PWP1: variants seen among roughly 807,000 people sequenced by gnomAD.
The protein encoded by PWP1 is periodic tryptophan protein 1 homolog.
Under a neutral mutation model 69.9 loss-of-function variants are expected in PWP1, and 47 were observed. The observed-to-expected ratio is 0.67, with a 90% confidence interval of 0.53 to 0.86. The LOEUF (loss-of-function observed/expected upper bound fraction) is 0.86. PWP1 is among the 40% of genes least tolerant of loss of function. The pLI is 0.00. For missense variants in PWP1, 551 were observed against 608.8 expected (o/e 0.91, Z 1.00); for synonymous variants, 222 against 208.2 (o/e 1.07, Z -0.57).
intron 12 of PWP1, 33 bp downstream of exon 12, chr12:107,709,049 T>C (rs1315523476): frequency 1.7e-5 from 27 of 1,613,204 alleles, no homozygotes; most frequent in Non-Finnish European, 2.1e-5. Flanking sequence ...TCATTTTTCT[T>C]AACTTATGAT....
At chr12:107,700,641 A>G (rs1889689688) in intron 8 of PWP1, among the ~76,000 whole-genome samples, 1 of 152,162 alleles carries the variant, frequency 6.6e-6, no homozygotes, top group African/African-American at 2.4e-5. Flanking sequence ...ATGTGGGTGT[A>G]CAAATATTCA....
chr12:107,697,467 G>A lies in PWP1; in HGVS notation c.614G>A (p.Gly205Glu), dbSNP rs771108513. ...ATACATGCATTGTTTCCTCCCATAG[G>A]AAATTACATTGCTGTAGGAAACATG... is the stretch of plus-strand genomic sequence containing the variant. Reference protein sequence around the residue: ...NFDPSPDDSTGNYIAVGNMTP... With the variant: ...NFDPSPDDSTENYIAVGNMTP... The change falls in exon 7 of 15, where the codon GGA (glycine) becomes GAA (glutamate). Residue 205 changes from glycine to glutamate, a missense_variant and splice_region_variant. Physicochemically the swap from Gly to Glu is moderately conservative, Grantham distance 98. Transcript: ENST00000412830. 57 of 1,576,424 alleles carry A rather than the reference G, an allele frequency of 3.6e-5. No individual in the cohort carries two copies. Among genetic ancestry groups the A allele is most frequent in the Non-Finnish European group, 4.7e-5 (55 of 1,166,670 alleles).
At chr12:107,704,211 T>A (rs1446285669) in intron 10 of PWP1, among the ~76,000 whole-genome samples, 2 of 152,256 alleles carry the variant, frequency 1.3e-5, no homozygotes, top group African/African-American at 4.8e-5. Flanking sequence ...TGTTTACATT[T>A]CTTGTGATTC....
At chr12:107,707,881 C>G (rs1345519596) in intron 11 of PWP1, among the ~76,000 whole-genome samples, 1 of 151,956 alleles carries the variant, frequency 6.6e-6, no homozygotes, top group Non-Finnish European at 1.5e-5. Context: ...TGTGTCTCTG[C>G]CGGGCTTTGG....
chr12:107,712,001 C>T, intron 14 of PWP1, 110 bp from the exon 15 acceptor site: 1 of 812,908 alleles, frequency 1.2e-6, no homozygotes, highest in South Asian at 1.8e-5. Context: ...TGGTTACTCA[C>T]TTTACCATTT....
At chr12:107,686,035 C>A in intron 1 of PWP1, 64 bp downstream of exon 1, 3 of 1,565,252 alleles carry the variant, frequency 1.9e-6, no homozygotes, top group Non-Finnish European at 2.6e-6. Context: ...GTCCGCCCAG[C>A]TGGGGGAACG....
intron 5 of PWP1, among the ~76,000 whole-genome samples, chr12:107,695,324 G>A (rs1033685935): frequency 6.6e-6 from 1 of 152,056 alleles, no homozygotes; most frequent in Non-Finnish European, 1.5e-5. Flanking sequence ...TATCGAACAT[G>A]GTTGAGGTTT....
At chr12:107,709,679 C>A (rs1383000555) in intron 13 of PWP1, among the ~76,000 whole-genome samples, 2 of 151,950 alleles carry the variant, frequency 1.3e-5, no homozygotes, top group African/African-American at 4.8e-5. Context: ...TAGAAATAAC[C>A]AGATTCACTC....
At chr12:107,706,883 G>A (rs1239603255) in intron 11 of PWP1, among the ~76,000 whole-genome samples, 2 of 152,198 alleles carry the variant, frequency 1.3e-5, no homozygotes, top group Non-Finnish European at 2.9e-5. Flanking sequence ...GGCAATGTGG[G>A]CTCTTTTTTG....
At position 107,688,337 on chromosome 12, in the gene PWP1, G is replaced by C. The variant is rs796120110; in HGVS notation, c.73-111G>C. 12 of 805,216 alleles carry C rather than the reference G, an allele frequency of 1.5e-5. 1 individual carries two copies. In the African/African-American group the frequency reaches 1.6e-4, roughly 10 times the overall value. The allele number at this position is 805,216 out of a possible 1,614,324, so 49.9% of individuals were successfully genotyped here. A position where few individuals can be genotyped will look rare whatever the true frequency, so the allele number is the denominator to read the frequency against. ...TGGATTGATGTTTGATTCTTATCTT[G>C]ATGACATTGCTTGGCGTTACATTTT... On this transcript the variant is annotated intron_variant, in intron 1 of 14. Coordinates refer to ENST00000412830, the MANE Select transcript of PWP1 (RefSeq NM_007062.3).
intron 11 of PWP1, among the ~76,000 whole-genome samples, chr12:107,705,772 A>G (rs11113447): frequency 0.29 from 44,552 of 151,918 alleles, 8,224 homozygotes; most frequent in Middle Eastern, 0.42. Flanking sequence ...CCAGTCTATC[A>G]TTGATGGACA....
intron 11 of PWP1, among the ~76,000 whole-genome samples, chr12:107,707,832 G>A (rs1253790614): frequency 6.6e-6 from 1 of 152,132 alleles, no homozygotes; most frequent in East Asian, 1.9e-4. Flanking sequence ...TTGCATCGAT[G>A]TTCTTCAGGG....
rs140355528 is a variant in PWP1, at chr12:107,710,992, T to C, written c.1396+482T>C. On this transcript the variant is annotated intron_variant, in intron 14 of 14. Coordinates refer to ENST00000412830, the MANE Select transcript of PWP1 (RefSeq NM_007062.3). ...AATTAAAGACACACACACAGAAATATAGAGATGTGAAGTGGGAAATCAGGG... is the reference window on the plus strand; with the variant it reads ...AATTAAAGACACACACACAGAAATACAGAGATGTGAAGTGGGAAATCAGGG... 5.8e-3 allele frequency among the ~76,000 whole-genome samples: 888 copies of C among 152,042 alleles called. 9 individuals carry two copies. The highest frequency in any genetic ancestry group is 0.02 in the African/African-American group (844 of 41,470).
rs769635684 is a variant in PWP1, at chr12:107,692,904, GTATT to G, written c.405+8_405+11del. On this transcript the variant is annotated splice_donor_region_variant and intron_variant, in intron 4 of 14. Coordinates refer to ENST00000412830, the MANE Select transcript of PWP1 (RefSeq NM_007062.3). Reference sequence around the variant, plus strand: ...TACGTTACTCTGAAAGATACAGTAAGTATTTACATCTTTTTTCTAATTATGCTCT... The same window carrying G: ...TACGTTACTCTGAAAGATACAGTAAGTACATCTTTTTTCTAATTATGCTCT... 2 of 1,613,736 alleles carry G rather than the reference GTATT, an allele frequency of 1.2e-6. No individual in the cohort carries two copies. The highest frequency in any genetic ancestry group is 1.7e-6 in the Non-Finnish European group (2 of 1,179,890).
intron 5 of PWP1, among the ~76,000 whole-genome samples, chr12:107,693,395 G>A (rs972015965): frequency 6.6e-6 from 1 of 151,754 alleles, no homozygotes. Flanking sequence ...AGGCTGTCTC[G>A]AACTCCTGGG....
intron 10 of PWP1, among the ~76,000 whole-genome samples, chr12:107,704,181 T>C (rs963056344): frequency 6.6e-6 from 1 of 152,360 alleles, no homozygotes; most frequent in East Asian, 1.9e-4. Flanking sequence ...TTTCATTTCT[T>C]ATCCTCTTGA....
At chr12:107,693,765 C>G (rs1206125022) in intron 5 of PWP1, among the ~76,000 whole-genome samples, 1 of 152,098 alleles carries the variant, frequency 6.6e-6, no homozygotes, top group Non-Finnish European at 1.5e-5. Flanking sequence ...TCCCATTTCC[C>G]TGAGTTAATA....
chr12:107,710,588 A>G (rs1173196821), intron 14 of PWP1, 78 bp downstream of exon 14: 9 of 1,434,710 alleles, frequency 6.3e-6, no homozygotes, highest in African/African-American at 1.4e-5. Context: ...GGGTCTCACC[A>G]TGTTGCCCAG....
At chr12:107,709,444 C>T (rs1462967894) in intron 13 of PWP1, among the ~76,000 whole-genome samples, 1 of 151,106 alleles carries the variant, frequency 6.6e-6, no homozygotes, top group East Asian at 1.9e-4. Flanking sequence ...TTTTCCAACT[C>T]ACATGATTAA....
Sources: allele counts gnomAD v4.1 joint callset (sites outside exome capture counted in the v4.1 genomes callset), GRCh38; gene constraint gnomAD v4.1.1; transcripts MANE v1.5; gene names NCBI Gene and HGNC (gene_info 2026-07-23, HGNC 2026-07-21).